RANBP9: variants seen among roughly 807,000 people sequenced by gnomAD.
The protein encoded by RANBP9 is ran-binding protein 9.
In RANBP9, 15 loss-of-function variants were observed where a neutral mutation model predicts 84.3. The observed-to-expected ratio is 0.18, with a 90% CI of 0.12 to 0.27. The LOEUF (loss-of-function observed/expected upper bound fraction) is 0.27. RANBP9 is among the 10% of genes least tolerant of loss of function. The probability of loss-of-function intolerance (pLI) is 1.00; values close to 1 mark genes in which losing one functional copy is unlikely to be tolerated. For missense variants in RANBP9, 809 were observed against 912.8 expected (o/e 0.89, Z 1.46); for synonymous variants, 392 against 349.6 (o/e 1.12, Z -1.35).
At chr6:13,689,425 C>T (rs1024929359) in intron 2 of RANBP9, among the ~76,000 whole-genome samples, 1 of 151,990 alleles carries the variant, frequency 6.6e-6, no homozygotes, top group African/African-American at 2.4e-5. Context: ...CATGTGCCAC[C>T]ACACCCAGCT....
At chr6:13,680,455 T>C (rs891756307) in intron 2 of RANBP9, among the ~76,000 whole-genome samples, 2 of 152,032 alleles carry the variant, frequency 1.3e-5, no homozygotes, top group East Asian at 3.9e-4. Context: ...TAAAAAAACA[T>C]GGCTGGGTAC....
At chr6:13,645,191 G>C (rs1032353744) in intron 5 of RANBP9, among the ~76,000 whole-genome samples, 1 of 152,030 alleles carries the variant, frequency 6.6e-6, no homozygotes, top group Non-Finnish European at 1.5e-5. Flanking sequence ...GCATTTAATA[G>C]CTTAAATTTA....
At chr6:13,658,877 G>A (rs772095749) in intron 2 of RANBP9, 45 bp from the exon 3 acceptor site, 20 of 1,484,168 alleles carry the variant, frequency 1.3e-5, no homozygotes, top group Non-Finnish European at 1.8e-5. Context: ...CATTATTACA[G>A]TCATATATGT....
At chr6:13,663,170 A>T (rs901202747) in intron 2 of RANBP9, among the ~76,000 whole-genome samples, 1 of 152,154 alleles carries the variant, frequency 6.6e-6, no homozygotes, top group African/African-American at 2.4e-5. Flanking sequence ...TGCAGAAAAC[A>T]GCTAGAGAAA....
chr6:13,659,833 A>G (rs546852212), intron 2 of RANBP9, among the ~76,000 whole-genome samples: 185 of 152,346 alleles, frequency 1.2e-3, no homozygotes, highest in African/African-American at 4.2e-3. Context: ...CATTTCCACT[A>G]AAATCAAGAA....
chr6:13,676,714 C>A (rs1329463247), intron 2 of RANBP9, among the ~76,000 whole-genome samples: 7 of 151,242 alleles, frequency 4.6e-5, no homozygotes, highest in African/African-American at 1.7e-4. Context: ...GCTCAACATT[C>A]AAAAAAAACA....
chr6:13,664,117 A>G (rs1765593613), intron 2 of RANBP9, among the ~76,000 whole-genome samples: 1 of 152,180 alleles, frequency 6.6e-6, no homozygotes, highest in African/African-American at 2.4e-5. Flanking sequence ...CTGTTTATAA[A>G]GAAAATCCTA....
At chr6:13,634,367 A>G in intron 11 of RANBP9, 64 bp downstream of exon 11, 1 of 1,554,970 alleles carries the variant, frequency 6.4e-7, no homozygotes, top group East Asian at 2.3e-5. Flanking sequence ...GAATCAGTAC[A>G]AGTAAAAACA....
chr6:13,642,500 C>A lies in RANBP9; in HGVS notation c.1204G>T (p.Ala402Ser). Residue 402 changes from alanine to serine, a missense_variant, in exon 7 of 14, where the codon GCT becomes TCT. Ala to Ser is a moderately conservative substitution (Grantham distance 99, BLOSUM62 1). Transcript: ENST00000011619. ...TTACTTTGTCTATTCTTAATGGAAG[C>A]TAATTCTTCTAGAACGGTCTGGTCT... ...STDQTVLEEL[A>S]SIKNRQRIQK... 1 of 1,598,288 alleles carries A rather than the reference C, an allele frequency of 6.3e-7. No homozygotes were observed. The highest frequency in any genetic ancestry group is 8.6e-7 in the Non-Finnish European group (1 of 1,169,484).
At position 13,641,531 on chromosome 6, in the gene RANBP9, C is replaced by CGTAATTTTTTTAAAATT. The variant is rs1765064108; in HGVS notation, c.1226-225_1226-224insAATTTTAAAAAAATTAC. ...CGGTCACAAATTTTTTTTTTAAAAT[C>CGTAATTTTTTTAAAATT]ACGAACATACGAGTAATATAGTTAA... is the stretch of plus-strand genomic sequence containing the variant. On this transcript the variant is annotated intron_variant, in intron 7 of 13. Coordinates refer to ENST00000011619, the MANE Select transcript of RANBP9 (RefSeq NM_005493.3). Among the ~76,000 whole-genome samples, 5 of 151,634 alleles carry CGTAATTTTTTTAAAATT rather than the reference C, an allele frequency of 3.3e-5. No individual in the cohort carries two copies. In the South Asian group the frequency reaches 1.0e-3, roughly 32 times the overall value.
At chr6:13,638,032 G>C in intron 9 of RANBP9, 77 bp from the exon 10 acceptor site, 1 of 1,340,972 alleles carries the variant, frequency 7.5e-7, no homozygotes, top group Admixed American at 2.8e-5. Flanking sequence ...TCTCCATGTT[G>C]ATTTTGTACT....
At chr6:13,634,647 C>G (rs1294846025) in intron 10 of RANBP9, 95 bp from the exon 11 acceptor site, 8 of 1,140,334 alleles carry the variant, frequency 7.0e-6, no homozygotes, top group Non-Finnish European at 9.4e-6. Context: ...TACGAATAAA[C>G]TAATTTCATA....
At chr6:13,683,637 C>T (rs1212950446) in intron 2 of RANBP9, among the ~76,000 whole-genome samples, 1 of 152,028 alleles carries the variant, frequency 6.6e-6, no homozygotes, top group African/African-American at 2.4e-5. Flanking sequence ...AAAATGTCAA[C>T]TGCCATTAAT....
intron 2 of RANBP9, among the ~76,000 whole-genome samples, chr6:13,679,254 T>C (rs563636846): frequency 6.6e-6 from 1 of 152,294 alleles, no homozygotes; most frequent in Admixed American, 6.5e-5. Flanking sequence ...CTTTCTCCCA[T>C]TACCTCTCGA....
intron 12 of RANBP9, among the ~76,000 whole-genome samples, 172 bp from the exon 13 acceptor site, chr6:13,625,936 T>C (rs1233841844): frequency 6.6e-6 from 1 of 152,232 alleles, no homozygotes; most frequent in Non-Finnish European, 1.5e-5. Context: ...CATTAAATTA[T>C]GCAGCAAAGC....
Position 13,711,236 on chromosome 6 carries a change from A to AGGCGGGGGCGGC in RANBP9, c.258_269dup (p.Pro89_Pro92dup), listed in dbSNP as rs1227361280. ...CGGGGGCAGCCGCTGAGGCAGGGGG[A>AGGCGGGGGCGGC]GGCGGGGGCGGCGGCGGGGGCGGCG... On this transcript the variant is annotated inframe_insertion, in exon 1 of 14. Coordinates refer to ENST00000011619, the MANE Select transcript of RANBP9 (RefSeq NM_005493.3). 94 of 326,324 alleles carry AGGCGGGGGCGGC rather than the reference A, an allele frequency of 2.9e-4. No homozygotes were observed. The highest frequency in any genetic ancestry group is 1.9e-3 in the South Asian group (13 of 6,898). 20.2% of individuals were successfully genotyped at this position (326,324 alleles called of 1,614,324 possible). A position where few individuals can be genotyped will look rare whatever the true frequency, so the allele number is the denominator to read the frequency against.
Position 13,634,510 on chromosome 6 carries a change from A to G in RANBP9, c.1716T>C (p.Val572=). Residue 572 remains valine (V), a synonymous_variant, in exon 11 of 14, where the codon GTT becomes GTC. Coordinates refer to ENST00000011619, the MANE Select transcript of RANBP9 (RefSeq NM_005493.3). ...DMETDHYSNG[V]GETSSNGFLN... ...GGAAACCATTGGATGAAGTTTCTCC[A>G]ACTCCATTGGAGTAGTGATCTGTTT... 3 of 1,613,556 alleles carry G rather than the reference A, an allele frequency of 1.9e-6. No individual in the cohort carries two copies. Among genetic ancestry groups the G allele is most frequent in the Non-Finnish European group, 2.5e-6 (3 of 1,179,562 alleles).
chr6:13,652,602 G>C lies in RANBP9; in HGVS notation c.927+57C>G, dbSNP rs1302124356. 2.7e-6 allele frequency: 4 copies of C among 1,461,916 alleles called. No individual in the cohort carries two copies. The South Asian group carries it at 3.6e-5, about 13-fold the overall frequency. 90.6% of individuals were successfully genotyped at this position (1,461,916 alleles called of 1,614,324 possible). ...AACTTTCTAAATATGCCCAGTATCAGTTTCTTTATACTTCCTGTAATTAAA... is the reference window on the plus strand; with the variant it reads ...AACTTTCTAAATATGCCCAGTATCACTTTCTTTATACTTCCTGTAATTAAA... On this transcript the variant is annotated intron_variant, in intron 5 of 13. Transcript: ENST00000011619.
chr6:13,634,206 C>A (rs185489436), intron 11 of RANBP9, among the ~76,000 whole-genome samples: 42 of 152,284 alleles, frequency 2.8e-4, no homozygotes, highest in African/African-American at 9.9e-4. Context: ...TAAACCTGAG[C>A]CTAAGCAGTT....
Sources: allele counts gnomAD v4.1 joint callset (sites outside exome capture counted in the v4.1 genomes callset), GRCh38; gene constraint gnomAD v4.1.1; transcripts MANE v1.5; gene names NCBI Gene and HGNC (gene_info 2026-07-23, HGNC 2026-07-21).